The following SHROOM2 variants were observed in gnomAD, a reference collection of about 807,000 sequenced individuals.
SHROOM2 encodes protein Shroom2.
Under a neutral mutation model 75.9 loss-of-function variants are expected in SHROOM2, and 33 were observed. The ratio of observed to expected loss-of-function variants is 0.43; its 90% CI spans 0.33 to 0.58. The LOEUF (loss-of-function observed/expected upper bound fraction) is 0.58. Among genes scored for constraint, SHROOM2 ranks in the 20% least tolerant of loss-of-function variants. The probability of loss-of-function intolerance (pLI) is 0.04; values close to 1 mark genes in which losing one functional copy is unlikely to be tolerated. For missense variants in SHROOM2, 1,434 were observed against 1,461.2 expected, an observed-to-expected ratio of 0.98 and a Z score of 0.30; for synonymous variants, 655 against 663.6, an observed-to-expected ratio of 0.99 and a Z score of 0.20.
chrX:9,814,699 A>G (rs984601131), intron 1 of SHROOM2, among the ~76,000 whole-genome samples: 6 of 111,732 alleles, frequency 5.4e-5, no homozygotes, highest in Non-Finnish European at 1.1e-4. Context: ...TGTTGCCATT[A>G]CAGGGGATGG....
intron 1 of SHROOM2, among the ~76,000 whole-genome samples, chrX:9,833,088 A>T (rs768243095): frequency 1.8e-5 from 2 of 111,136 alleles, no homozygotes; most frequent in Admixed American, 9.6e-5. Context: ...GAAGGAAAAC[A>T]GCAGGTGGCC....
intron 2 of SHROOM2, among the ~76,000 whole-genome samples, chrX:9,878,901 T>G (rs2084216548): frequency 8.9e-6 from 1 of 112,032 alleles, no homozygotes; most frequent in African/African-American, 3.2e-5. Flanking sequence ...GGTATTTCTA[T>G]TCTGTGAGCA....
chrX:9,922,109 A>G (rs1227945193), intron 5 of SHROOM2, among the ~76,000 whole-genome samples: 1 of 112,243 alleles, frequency 8.9e-6, no homozygotes, highest in Non-Finnish European at 1.9e-5. Context: ...GCTGGCATGC[A>G]GTGACATAGT....
chrX:9,824,148 G>A (rs1378793277), intron 1 of SHROOM2, among the ~76,000 whole-genome samples: 6 of 110,821 alleles, frequency 5.4e-5, no homozygotes, highest in Non-Finnish European at 1.1e-4. Context: ...TAAAAATTAA[G>A]GTCGGCCGGG....
intron 1 of SHROOM2, chrX:9,865,613 T>G (rs2084131713): frequency 1.1e-5 from 1 of 89,189 alleles, no homozygotes. Flanking sequence ...CAGGCTGGAG[T>G]GCAGTGGCTC....
At chrX:9,788,103 G>A (rs1322415371) in intron 1 of SHROOM2, among the ~76,000 whole-genome samples, 1 of 108,785 alleles carries the variant, frequency 9.2e-6, no homozygotes, top group Non-Finnish European at 1.9e-5. Flanking sequence ...TAGAAACGGG[G>A]AGTTTCACCA....
chrX:9,911,782 A>G (rs753274256), intron 5 of SHROOM2, among the ~76,000 whole-genome samples: 22 of 111,718 alleles, frequency 2.0e-4, no homozygotes, highest in Non-Finnish European at 1.9e-4. Flanking sequence ...TGTGTAATCA[A>G]CCCAAGAATA....
rs768868711 is a variant in SHROOM2, at chrX:9,894,704, A to T, written c.796A>T (p.Ser266Cys). 3 of 1,209,108 alleles carry T rather than the reference A, an allele frequency of 2.5e-6. No homozygotes were observed. The highest frequency in any genetic ancestry group is 3.5e-5 in the African/African-American group (2 of 57,464). The change falls in exon 4 of 10, where the codon AGT becomes TGT. Residue 266 changes from serine to cysteine, a missense_variant. Coordinates refer to ENST00000380913, the MANE Select transcript of SHROOM2 (RefSeq NM_001649.4). ...GDPQGSEEKL[S>C]CFPPRVPGDS... ...CCCTCAGGGCTCGGAGGAGAAGCTC[A>T]GTTGTTTCCCGCCCAGGGTCCCCGG...
intron 3 of SHROOM2, among the ~76,000 whole-genome samples, chrX:9,891,404 C>T (rs770827653): frequency 4.4e-5 from 5 of 112,408 alleles, no homozygotes; most frequent in African/African-American, 1.3e-4. Context: ...GTGGCATCCA[C>T]GGCACCCCTC....
chrX:9,941,346 C>T (rs993862340), intron 8 of SHROOM2, among the ~76,000 whole-genome samples: 1 of 111,887 alleles, frequency 8.9e-6, no homozygotes, highest in Non-Finnish European at 1.9e-5. Flanking sequence ...AGCAGATGGG[C>T]CTGCCAGACA....
chrX:9,905,253 T>A (rs1463794148), intron 5 of SHROOM2, among the ~76,000 whole-genome samples: 1 of 112,645 alleles, frequency 8.9e-6, no homozygotes, highest in Non-Finnish European at 1.9e-5. Flanking sequence ...AGAAATCGAT[T>A]TAGCTCATCT....
chrX:9,898,405 C>T (rs1458214332), intron 5 of SHROOM2, 115 bp downstream of exon 5: 8 of 555,695 alleles, frequency 1.4e-5, no homozygotes, highest in African/African-American at 1.2e-4. Context: ...AAACCCAAAG[C>T]GGCTGAAATC....
intron 5 of SHROOM2, among the ~76,000 whole-genome samples, chrX:9,910,595 T>C (rs371122701): frequency 9.1e-6 from 1 of 109,539 alleles, no homozygotes; most frequent in East Asian, 2.9e-4. Flanking sequence ...GGCGGGCGTA[T>C]CACTTGAGGT....
intron 1 of SHROOM2, among the ~76,000 whole-genome samples, chrX:9,834,780 T>G (rs139961341): frequency 0.014 from 1,561 of 112,140 alleles, 22 homozygotes; most frequent in African/African-American, 0.048. Context: ...GGTCAAGAGA[T>G]TCTCCCACTT....
At chrX:9,845,111 T>A (rs1047963463) in intron 1 of SHROOM2, among the ~76,000 whole-genome samples, 1 of 112,204 alleles carries the variant, frequency 8.9e-6, no homozygotes, top group Admixed American at 9.5e-5. Flanking sequence ...CCACAGCCAG[T>A]GTATACATGA....
rs1244263938 is a variant in SHROOM2, at chrX:9,932,326, C to T, written c.3043C>T (p.Leu1015=). 13 of 1,207,200 alleles carry T rather than the reference C, an allele frequency of 1.1e-5. No individual in the cohort carries two copies. Among genetic ancestry groups the T allele is most frequent in the Non-Finnish European group, 1.3e-5 (12 of 893,849 alleles). The part of the protein sequence containing the change: ...PREGRGRAGT[L]PRDYRYSEES... ...GGAGGGCCGGGGCCGAGCGGGAACC[C>T]TACCTCGAGATTATAGATACTCGGA... is the stretch of plus-strand genomic sequence containing the variant. The change falls in exon 6 of 10, where the codon CTA becomes TTA. Residue 1015 remains leucine, a synonymous_variant. Transcript: ENST00000380913.
chrX:9,792,370 A>C (rs1401946322), intron 1 of SHROOM2, among the ~76,000 whole-genome samples: 4 of 110,578 alleles, frequency 3.6e-5, no homozygotes, highest in Non-Finnish European at 5.7e-5. Context: ...ATTTGGTTGA[A>C]CCTTAGAACT....
chrX:9,916,387 T>G (rs1338406659), intron 5 of SHROOM2, among the ~76,000 whole-genome samples: 1 of 112,435 alleles, frequency 8.9e-6, no homozygotes, highest in Non-Finnish European at 1.9e-5. Context: ...TTAGGGCTGC[T>G]GTTGGTGTTT....
intron 1 of SHROOM2, among the ~76,000 whole-genome samples, chrX:9,872,550 C>T (rs752008144): frequency 3.6e-5 from 4 of 110,686 alleles, no homozygotes; most frequent in African/African-American, 1.3e-4. Context: ...GGTGACAGAG[C>T]GAGACTCTGT....
Sources: gnomAD v4.1 joint callset for allele counts (sites outside exome capture counted in the v4.1 genomes callset) on GRCh38, gnomAD v4.1.1 for gene constraint, MANE v1.5 for transcripts, NCBI Gene and HGNC (gene_info 2026-07-23, HGNC 2026-07-21) for gene names.